Variants in IGF1R observed in about 807,000 individuals in gnomAD.
IGF1R encodes the protein insulin like growth factor 1 receptor.
A neutral mutation model predicts 144.6 loss-of-function variants in IGF1R; 44 were observed. The ratio of observed to expected loss-of-function variants is 0.30; its 90% CI spans 0.24 to 0.39. IGF1R has a LOEUF of 0.39. Ranked by LOEUF, IGF1R falls within the 10% of genes least tolerant of loss-of-function variation. The probability of loss-of-function intolerance (pLI) is 1.00; values close to 1 mark genes in which losing one functional copy is unlikely to be tolerated. For missense variants in IGF1R, 1,355 were observed against 1,833.7 expected, an observed-to-expected ratio of 0.74 and a Z score of 4.77; for synonymous variants, 795 against 722.8, an observed-to-expected ratio of 1.10 and a Z score of -1.60.
intron 2 of IGF1R, among the ~76,000 whole-genome samples, chr15:98,751,825 G>C (rs1053162210): frequency 6.6e-6 from 1 of 152,152 alleles, no homozygotes; most frequent in African/African-American, 2.4e-5. Flanking sequence ...CCACGAATAA[G>C]AAAAATAAGG....
At chr15:98,883,535 CTCACCG>C (rs2013485039) in intron 2 of IGF1R, among the ~76,000 whole-genome samples, 1 of 152,216 alleles carries the variant, frequency 6.6e-6, no homozygotes, top group South Asian at 2.1e-4. Context: ...GAAGCCTGTG[CTCACCG>C]TCACTCTCTT....
chr15:98,656,748 C>G (rs1191131246), intron 1 of IGF1R, among the ~76,000 whole-genome samples: 1 of 146,634 alleles, frequency 6.8e-6, no homozygotes, highest in African/African-American at 2.8e-5. Context: ...GTCTCTACTT[C>G]AGTAAGAGTT....
intron 1 of IGF1R, among the ~76,000 whole-genome samples, chr15:98,681,733 T>C (rs1247875072): frequency 6.6e-6 from 1 of 152,124 alleles, no homozygotes; most frequent in Non-Finnish European, 1.5e-5. Context: ...TTAGTAAAGG[T>C]GAGTCTGGTT....
chr15:98,696,171 C>T (rs1695383244), intron 1 of IGF1R, among the ~76,000 whole-genome samples: 1 of 151,976 alleles, frequency 6.6e-6, no homozygotes, highest in South Asian at 2.1e-4. Context: ...GCATTTATTT[C>T]CTCTCTATTG....
chr15:98,670,587 G>T (rs1024968846), intron 1 of IGF1R, among the ~76,000 whole-genome samples: 1 of 152,180 alleles, frequency 6.6e-6, no homozygotes, highest in Non-Finnish European at 1.5e-5. Context: ...AAATAACCCT[G>T]AGCCTTTTTG....
intron 2 of IGF1R, among the ~76,000 whole-genome samples, chr15:98,828,690 C>T (rs1460412616): frequency 1.3e-5 from 2 of 151,484 alleles, no homozygotes; most frequent in African/African-American, 4.9e-5. Flanking sequence ...GACACACAGA[C>T]ATGAGGCGGA....
chr15:98,820,557 CT>C (rs746805259), intron 2 of IGF1R, among the ~76,000 whole-genome samples: 1 of 152,070 alleles, frequency 6.6e-6, no homozygotes, highest in Non-Finnish European at 1.5e-5. Flanking sequence ...ATTGAGACAC[CT>C]TTTAAAAGCA....
chr15:98,831,256 A>G (rs919998478), intron 2 of IGF1R, among the ~76,000 whole-genome samples: 2 of 152,204 alleles, frequency 1.3e-5, no homozygotes, highest in Non-Finnish European at 2.9e-5. Context: ...ATCTGACCCT[A>G]GGATTTCAAC....
intron 2 of IGF1R, among the ~76,000 whole-genome samples, chr15:98,854,340 C>T (rs1025243735): frequency 2.6e-5 from 4 of 152,144 alleles, no homozygotes; most frequent in African/African-American, 9.7e-5. Flanking sequence ...CCTGGGTGTC[C>T]CCTGCCTGAG....
intron 2 of IGF1R, among the ~76,000 whole-genome samples, chr15:98,811,850 C>T (rs558958347): frequency 6.6e-6 from 1 of 152,020 alleles, no homozygotes; most frequent in African/African-American, 2.4e-5. Flanking sequence ...GGCATGAGCC[C>T]GGGAGGCGGA....
chr15:98,904,106 G>A (rs1240738124), intron 5 of IGF1R, among the ~76,000 whole-genome samples: 2 of 143,918 alleles, frequency 1.4e-5, no homozygotes, highest in African/African-American at 5.2e-5. Flanking sequence ...AGGCTGCAGT[G>A]CAGTGGCGCT....
chr15:98,954,920 G>A (rs1424386564), intron 20 of IGF1R, among the ~76,000 whole-genome samples: 2 of 152,200 alleles, frequency 1.3e-5, no homozygotes, highest in African/African-American at 2.4e-5. Context: ...TTAGGTGAGG[G>A]AGGGTCTCCT....
chr15:98,766,007 C>T (rs1361315364), intron 2 of IGF1R, among the ~76,000 whole-genome samples: 2 of 152,126 alleles, frequency 1.3e-5, no homozygotes, highest in Admixed American at 1.3e-4. Context: ...ACCGTGGGGA[C>T]CTGGGTTAGG....
In IGF1R at chr15:98,883,711, G is replaced by T. The variant is rs554305368; in HGVS notation, c.641-7614G>T. On this transcript the variant is annotated intron_variant, in intron 2 of 20. Coordinates refer to ENST00000650285, the MANE Select transcript of IGF1R (RefSeq NM_000875.5). Reference sequence around the variant, plus strand: ...AGGCTGTCCTCCTCCTGTGCCAGCCGTGGGTTCCCTGAGTCCCTCTGCAGT... The same window carrying T: ...AGGCTGTCCTCCTCCTGTGCCAGCCTTGGGTTCCCTGAGTCCCTCTGCAGT... Among the ~76,000 whole-genome samples, 17 of 152,314 alleles carry T rather than the reference G, an allele frequency of 1.1e-4. No homozygotes were observed. The South Asian group carries it at 3.5e-3, about 32-fold the overall frequency.
intron 2 of IGF1R, among the ~76,000 whole-genome samples, chr15:98,835,107 A>ACACC (rs1555450817): frequency 1.5e-5 from 2 of 134,282 alleles, no homozygotes; most frequent in African/African-American, 3.1e-5. Flanking sequence ...ACACACACAC[A>ACACC]CACCCCTACA....
intron 2 of IGF1R, among the ~76,000 whole-genome samples, chr15:98,741,210 T>TA (rs747930074): frequency 1.3e-5 from 2 of 151,250 alleles, no homozygotes; most frequent in South Asian, 2.1e-4. Flanking sequence ...GTTCTGTTGA[T>TA]ATGGCTTTAT....
At chr15:98,927,328 C>T (rs1221966720) in intron 13 of IGF1R, among the ~76,000 whole-genome samples, 1 of 152,216 alleles carries the variant, frequency 6.6e-6, no homozygotes, top group African/African-American at 2.4e-5. Context: ...TGGAAGCTTT[C>T]AGGCAACTGC....
chr15:98,723,948 T>G (rs1449563643), intron 2 of IGF1R, among the ~76,000 whole-genome samples: 1 of 152,176 alleles, frequency 6.6e-6, no homozygotes, highest in Non-Finnish European at 1.5e-5. Context: ...TTTCCCAGAA[T>G]TTGTATTATG....
chr15:98,804,767 G>A (rs1220822224), intron 2 of IGF1R, among the ~76,000 whole-genome samples: 2 of 152,100 alleles, frequency 1.3e-5, no homozygotes, highest in Non-Finnish European at 2.9e-5. Flanking sequence ...GTGCAATCTC[G>A]GCTCACTGCA....
Sources: allele counts gnomAD v4.1 joint callset (sites outside exome capture counted in the v4.1 genomes callset), GRCh38; gene constraint gnomAD v4.1.1; transcripts MANE v1.5; gene names NCBI Gene and HGNC (gene_info 2026-07-23, HGNC 2026-07-21).